CCNY: variants seen among roughly 807,000 people sequenced by gnomAD.
CCNY encodes the protein cyclin-Y.
Under a neutral mutation model 42.8 loss-of-function variants are expected in CCNY, and 19 were observed. That is an observed-to-expected ratio of 0.44 (90% CI 0.31 to 0.65). The LOEUF is 0.65. CCNY is among the 30% of genes least tolerant of loss of function. CCNY has a pLI of 0.07. For missense variants in CCNY, 370 were observed against 437.3 expected (o/e 0.85, Z 1.37); for synonymous variants, 165 against 162.7 (o/e 1.01, Z -0.11).
At chr10:35,321,405 G>A (rs1287688661) in intron 3 of CCNY, among the ~76,000 whole-genome samples, 2 of 151,960 alleles carry the variant, frequency 1.3e-5, no homozygotes, top group African/African-American at 2.4e-5. Context: ...GGGCACGATG[G>A]CTCACACCTA....
intron 7 of CCNY, among the ~76,000 whole-genome samples, chr10:35,533,891 A>G (rs1224277125): frequency 6.6e-6 from 1 of 152,258 alleles, no homozygotes; most frequent in Non-Finnish European, 1.5e-5. Flanking sequence ...TAGTGAGCAC[A>G]GTAATAACTG....
At position 35,362,825 on chromosome 10, in the gene CCNY, G is replaced by A. The variant is rs112321899; in HGVS notation, c.154+25618G>A. Among the ~76,000 whole-genome samples the A allele has an allele frequency of 3.5e-3, 514 of 146,448 alleles. 2 individuals carry two copies. Among genetic ancestry groups the A allele is most frequent in the African/African-American group, 0.012 (473 of 40,236 alleles). On this transcript the variant is annotated intron_variant, in intron 1 of 9. Transcript: ENST00000374704. ...GCTCCTCACTCCCCAGATAGTTGGC[G>A]GGGGGGCCAGGCAGAAGCACTCCTC...
At chr10:35,405,734 A>G (rs1257747519) in intron 1 of CCNY, among the ~76,000 whole-genome samples, 1 of 152,166 alleles carries the variant, frequency 6.6e-6, no homozygotes, top group Non-Finnish European at 1.5e-5. Flanking sequence ...CTTGGCCTCC[A>G]TCATGGTCCA....
At chr10:35,463,826 A>G (rs1280053247) in intron 1 of CCNY, among the ~76,000 whole-genome samples, 1 of 152,226 alleles carries the variant, frequency 6.6e-6, no homozygotes, top group Non-Finnish European at 1.5e-5. Context: ...CTTGAAAGTA[A>G]CCACTTGTTA....
intron 1 of CCNY, among the ~76,000 whole-genome samples, chr10:35,247,386 C>G (rs1200042725): frequency 6.6e-6 from 1 of 151,404 alleles, no homozygotes; most frequent in Non-Finnish European, 1.5e-5. Context: ...TGGAGCCCAG[C>G]AGTTCAAGAA....
chr10:35,268,812 C>T (rs2095728192), intron 3 of CCNY, among the ~76,000 whole-genome samples: 2 of 152,230 alleles, frequency 1.3e-5, no homozygotes, highest in Admixed American at 6.5e-5. Flanking sequence ...CTGCTGGAGG[C>T]ACAGCCAGAG....
chr10:35,393,377 G>C (rs143878647), intron 1 of CCNY, among the ~76,000 whole-genome samples: 1 of 152,118 alleles, frequency 6.6e-6, no homozygotes, highest in Admixed American at 6.5e-5. Context: ...CTCAGAAATC[G>C]TGGCCTGGTT....
intron 1 of CCNY, among the ~76,000 whole-genome samples, chr10:35,474,661 A>C (rs1198043587): frequency 6.6e-6 from 1 of 152,072 alleles, no homozygotes; most frequent in Non-Finnish European, 1.5e-5. Flanking sequence ...CACCATCATC[A>C]AAGACCAAAA....
chr10:35,368,253 G>C, intron 1 of CCNY, among the ~76,000 whole-genome samples: 1 of 152,178 alleles, frequency 6.6e-6, no homozygotes, highest in East Asian at 1.9e-4. Flanking sequence ...AGTTTTCTGG[G>C]CTTCAAGTTC....
intron 1 of CCNY, among the ~76,000 whole-genome samples, chr10:35,456,474 G>T (rs1839037711): frequency 6.6e-6 from 1 of 152,216 alleles, no homozygotes; most frequent in African/African-American, 2.4e-5. Flanking sequence ...GATTGCACAG[G>T]ATTCGGAGGC....
chr10:35,440,842 A>C (rs564453023), intron 1 of CCNY, among the ~76,000 whole-genome samples: 1 of 152,402 alleles, frequency 6.6e-6, no homozygotes, highest in South Asian at 2.1e-4. Flanking sequence ...CAAGAGAGGT[A>C]GTCTTAACTC....
Position 35,494,266 on chromosome 10 carries a change from A to AT in CCNY, c.230-7223dup, listed in dbSNP as rs886392518. ...CCCCCATTTCTACAAAAAAATAAAG[A>AT]TTTTTTTTTTTTAAAGAAAGAGTTG... On this transcript the variant is annotated intron_variant, in intron 2 of 9. Transcript: ENST00000374704. Among the ~76,000 whole-genome samples, 898 of 134,198 alleles carry AT rather than the reference A, an allele frequency of 6.7e-3. 11 individuals are homozygous for AT. Among genetic ancestry groups the AT allele is most frequent in the African/African-American group, 0.02 (762 of 37,566 alleles). The allele number at this position is 134,198 out of a possible 152,430, so 88.0% of individuals were successfully genotyped here.
chr10:35,555,479 A>ACAG (rs1160560498), intron 8 of CCNY, among the ~76,000 whole-genome samples: 1 of 152,366 alleles, frequency 6.6e-6, no homozygotes, highest in East Asian at 1.9e-4. Flanking sequence ...AATAACAACA[A>ACAG]CAGCAGCAGC....
intron 1 of CCNY, among the ~76,000 whole-genome samples, chr10:35,384,290 A>G (rs994927389): frequency 6.6e-6 from 1 of 152,178 alleles, no homozygotes; most frequent in Non-Finnish European, 1.5e-5. Context: ...TTAGTATTCA[A>G]AGGGGAAAAG....
chr10:35,501,591 A>G (rs1840111754), intron 3 of CCNY, 56 bp downstream of exon 3: 4 of 1,438,268 alleles, frequency 2.8e-6, no homozygotes, highest in Non-Finnish European at 2.9e-6. Context: ...GTAAAGAGCT[A>G]AAATAACTGT....
chr10:35,465,715 TA>T (rs1253237164), intron 1 of CCNY, among the ~76,000 whole-genome samples: 2 of 152,158 alleles, frequency 1.3e-5, no homozygotes, highest in East Asian at 1.9e-4. Flanking sequence ...CTCTTCCTTC[TA>T]GCTGAGATGC....
At chr10:35,450,161 G>C (rs1040960718) in intron 1 of CCNY, among the ~76,000 whole-genome samples, 2 of 152,070 alleles carry the variant, frequency 1.3e-5, no homozygotes, top group African/African-American at 4.8e-5. Flanking sequence ...GTGGCAGAGA[G>C]GTGGTGGAAT....
intron 3 of CCNY, among the ~76,000 whole-genome samples, chr10:35,265,296 C>T (rs2095724082): frequency 1.3e-5 from 2 of 152,146 alleles, no homozygotes; most frequent in Non-Finnish European, 1.5e-5. Context: ...CGGCATCTTA[C>T]GTACTAATCT....
chr10:35,380,038 G>A (rs947048356), intron 1 of CCNY, among the ~76,000 whole-genome samples: 1 of 152,188 alleles, frequency 6.6e-6, no homozygotes, highest in Admixed American at 6.5e-5. Context: ...TTTGTGTTTC[G>A]AACGTTTGGA....
Sources: gnomAD v4.1 joint callset for allele counts (sites outside exome capture counted in the v4.1 genomes callset) on GRCh38, gnomAD v4.1.1 for gene constraint, MANE v1.5 for transcripts, NCBI Gene and HGNC (gene_info 2026-07-23, HGNC 2026-07-21) for gene names.